PIEZO2: variants seen among roughly 807,000 people sequenced by gnomAD.
PIEZO2 encodes the protein piezo-type mechanosensitive ion channel component 2.
In PIEZO2, 172 loss-of-function variants were observed where a neutral mutation model predicts 337.3. The ratio of observed to expected loss-of-function variants is 0.51; its 90% CI spans 0.45 to 0.58. PIEZO2 has a LOEUF of 0.58. Among genes scored for constraint, PIEZO2 ranks in the 20% least tolerant of loss-of-function variants. The pLI is 0.00. For synonymous variants in PIEZO2, 1,251 were observed against 1,228.5 expected, an observed-to-expected ratio of 1.02 and a Z score of -0.38; for missense variants, 3,028 against 3,391.3, an observed-to-expected ratio of 0.89 and a Z score of 2.66.
chr18:10,843,386 G>T (rs2041253373), intron 7 of PIEZO2, among the ~76,000 whole-genome samples: 1 of 151,816 alleles, frequency 6.6e-6, no homozygotes, highest in Non-Finnish European at 1.5e-5. Flanking sequence ...TTTCTCAAAA[G>T]ATCTCTTTAG....
chr18:10,909,067 C>A (rs1052717190), intron 4 of PIEZO2, among the ~76,000 whole-genome samples: 1 of 152,102 alleles, frequency 6.6e-6, no homozygotes, highest in African/African-American at 2.4e-5. Flanking sequence ...AAAGGCTGAG[C>A]CAAGGAGAAA....
intron 36 of PIEZO2, chr18:10,725,008 C>A: frequency 6.3e-7 from 1 of 1,587,656 alleles, no homozygotes; most frequent in South Asian, 1.1e-5. Flanking sequence ...CGATGCAGGC[C>A]ATAGTGCCAG....
chr18:10,944,889 G>C lies in PIEZO2; in HGVS notation c.287-33661C>G, dbSNP rs4519390. 1.5e-3 allele frequency among the ~76,000 whole-genome samples: 232 copies of C among 152,000 alleles called. 1 individual carries two copies. The highest frequency in any genetic ancestry group is 5.5e-3 in the African/African-American group (226 of 41,452). ...AAAGACAGTGGTTCCTAAGGGGGGA[G>C]AAAAAGAAGCAAAGCTAACTGTTGC... On this transcript the variant is annotated intron_variant, in intron 3 of 55. Transcript: ENST00000674853.
At position 10,821,955 on chromosome 18, in the gene PIEZO2, A is replaced by G. The variant is rs2040532867; in HGVS notation, c.918-14681T>C. ...ATTTGTCAGAGAAAATCAAAGTTAC[A>G]CATTTTGTAATGAAAATAGATTTTC... On this transcript the variant is annotated intron_variant, in intron 7 of 55. Transcript: ENST00000674853. This position sits in a 1 kb window ranked among gnomAD's most constrained non-coding sequence, Gnocchi z 4.2. Among the ~76,000 whole-genome samples the G allele has an allele frequency of 6.6e-6, 1 of 152,246 alleles. No individual in the cohort carries two copies. Among genetic ancestry groups the G allele is most frequent in the South Asian group, 2.1e-4 (1 of 4,836 alleles).
intron 2 of PIEZO2, among the ~76,000 whole-genome samples, chr18:10,995,439 A>T (rs1218535474): frequency 2.0e-5 from 3 of 152,124 alleles, no homozygotes; most frequent in Non-Finnish European, 4.4e-5. Flanking sequence ...CACTCTGCTG[A>T]CTGTTGCTTT....
Position 10,819,334 on chromosome 18 carries a change from G to A in PIEZO2, c.918-12060C>T, listed in dbSNP as rs1034861352. Among the ~76,000 whole-genome samples, 6 of 152,130 alleles carry A rather than the reference G, an allele frequency of 3.9e-5. No individual in the cohort carries two copies. Among genetic ancestry groups the A allele is most frequent in the Admixed American group, 3.9e-4 (6 of 15,272 alleles). ...ACGTTAAGTAGAAGAAATTCTTAAA[G>A]TGTACATTTTCTCTTTCATTATTCT... On this transcript the variant is annotated intron_variant, in intron 7 of 55. Coordinates refer to ENST00000674853, the MANE Select transcript of PIEZO2 (RefSeq NM_001378183.1). This position sits in a 1 kb window ranked among gnomAD's most constrained non-coding sequence, Gnocchi z 4.3.
chr18:11,012,779 C>G (rs2035949790), intron 2 of PIEZO2, among the ~76,000 whole-genome samples: 1 of 152,192 alleles, frequency 6.6e-6, no homozygotes, highest in African/African-American at 2.4e-5. Context: ...CACAGGGGCT[C>G]ATGCCTGTAA....
intron 2 of PIEZO2, among the ~76,000 whole-genome samples, chr18:11,055,296 G>A (rs373408784): frequency 0.034 from 5,129 of 151,990 alleles, 207 homozygotes; most frequent in Admixed American, 0.085. Flanking sequence ...AGAATCAAGG[G>A]GGAAAATAAA....
At chr18:10,995,375 T>C (rs904725684) in intron 2 of PIEZO2, among the ~76,000 whole-genome samples, 1 of 152,210 alleles carries the variant, frequency 6.6e-6, no homozygotes, top group African/African-American at 2.4e-5. Flanking sequence ...AATGAGTTCC[T>C]TTGTCGGATG....
chr18:10,925,622 C>T (rs755709432), intron 3 of PIEZO2, among the ~76,000 whole-genome samples: 3 of 152,168 alleles, frequency 2.0e-5, no homozygotes, highest in Non-Finnish European at 4.4e-5. Context: ...CTCTGTCCCC[C>T]AGACTGGAGT....
intron 2 of PIEZO2, among the ~76,000 whole-genome samples, chr18:10,994,877 T>C (rs1329112056): frequency 6.6e-6 from 1 of 151,446 alleles, no homozygotes; most frequent in African/African-American, 2.4e-5. Context: ...AGGTCAGAAG[T>C]TCAAGACCAG....
chr18:11,050,239 C>T (rs28562710), intron 2 of PIEZO2, among the ~76,000 whole-genome samples: 5,662 of 151,914 alleles, frequency 0.037, 164 homozygotes, highest in African/African-American at 0.083. Flanking sequence ...AATAATTCAC[C>T]CAATTAAATA....
At chr18:10,838,769 AG>A (rs2041099307) in intron 7 of PIEZO2, among the ~76,000 whole-genome samples, 1 of 152,150 alleles carries the variant, frequency 6.6e-6, no homozygotes, top group Non-Finnish European at 1.5e-5. Context: ...GTCACCTCTG[AG>A]AGAAAAGTGA....
intron 17 of PIEZO2, among the ~76,000 whole-genome samples, chr18:10,782,825 C>G (rs987657554): frequency 6.6e-6 from 1 of 152,052 alleles, no homozygotes; most frequent in Non-Finnish European, 1.5e-5. Context: ...TCCCCAGAAC[C>G]TGCATAGGCT....
intron 2 of PIEZO2, among the ~76,000 whole-genome samples, chr18:10,989,921 A>G (rs1325659560): frequency 1.3e-5 from 2 of 152,144 alleles, no homozygotes; most frequent in Admixed American, 1.3e-4. Context: ...TAATTCTCCG[A>G]CCCAGTCATC....
intron 45 of PIEZO2, among the ~76,000 whole-genome samples, chr18:10,696,981 C>A (rs2035120608): frequency 6.6e-6 from 1 of 152,168 alleles, no homozygotes; most frequent in Admixed American, 6.5e-5. Context: ...TGAGGGAATG[C>A]ATGAGGGCGC....
chr18:10,685,728 C>T (rs1263669223), intron 49 of PIEZO2, among the ~76,000 whole-genome samples: 12 of 152,224 alleles, frequency 7.9e-5, no homozygotes, highest in Admixed American at 7.2e-4. Context: ...CCTTCCTAAG[C>T]ACCGTGACCT....
In PIEZO2 at chr18:10,815,649, A is replaced by G. The variant is rs896785845; in HGVS notation, c.918-8375T>C. On this transcript the variant is annotated intron_variant, in intron 7 of 55. Coordinates refer to ENST00000674853, the MANE Select transcript of PIEZO2 (RefSeq NM_001378183.1). This position sits in a 1 kb window ranked among gnomAD's most constrained non-coding sequence, Gnocchi z 4.1. ...TGTATATAGTTCAAGCTAGAATGAT[A>G]CATCTTTTGTTTCCACAGCAACGTA... 2.0e-5 allele frequency among the ~76,000 whole-genome samples: 3 copies of G among 152,228 alleles called. No homozygotes were observed. The highest frequency in any genetic ancestry group is 4.4e-5 in the Non-Finnish European group (3 of 68,036).
Position 10,943,921 on chromosome 18 carries a change from T to C in PIEZO2, c.287-32693A>G, listed in dbSNP as rs1037335302. On this transcript the variant is annotated intron_variant, in intron 3 of 55. Transcript: ENST00000674853. This position sits in a 1 kb window ranked among gnomAD's most constrained non-coding sequence, Gnocchi z 4.5. Reference sequence around the variant, plus strand: ...TGATGGCTTTAAAAATGGGAGTTTCTCTGAACAAGCTCTCTCTTTGCCTGC... The same window carrying C: ...TGATGGCTTTAAAAATGGGAGTTTCCCTGAACAAGCTCTCTCTTTGCCTGC... Among the ~76,000 whole-genome samples, 2 of 152,134 alleles carry C rather than the reference T, an allele frequency of 1.3e-5. No individual in the cohort carries two copies. The highest frequency in any genetic ancestry group is 2.9e-5 in the Non-Finnish European group (2 of 68,026).
Sources: allele counts gnomAD v4.1 joint callset (sites outside exome capture counted in the v4.1 genomes callset), GRCh38; gene constraint gnomAD v4.1.1; non-coding constraint Gnocchi (gnomAD v3.1); transcripts MANE v1.5; gene names NCBI Gene and HGNC (gene_info 2026-07-23, HGNC 2026-07-21).